The following EGR2 variants were observed in gnomAD, a reference collection of about 807,000 sequenced individuals.
EGR2 encodes E3 SUMO-protein ligase EGR2.
In EGR2, 2 loss-of-function variants were observed where a neutral mutation model predicts 21.2. The observed-to-expected ratio is 0.09, with a 90% CI of 0.04 to 0.30. The LOEUF is 0.30. EGR2 is among the 10% of genes least tolerant of loss of function. The pLI, the probability that EGR2 is intolerant of heterozygous loss-of-function variation, is 1.00. For missense variants in EGR2, 458 were observed against 630.2 expected, an observed-to-expected ratio of 0.73 and a Z score of 2.93; for synonymous variants, 282 against 258.2, an observed-to-expected ratio of 1.09 and a Z score of -0.88.
upstream of EGR2, chr10:62,818,695 C>G: frequency 9.5e-7 from 1 of 1,051,370 alleles, no homozygotes; most frequent in Non-Finnish European, 1.2e-6. Flanking sequence ...AATGCGGATC[C>G]CTGCGATGGG....
chr10:62,816,821 C>G (rs1262553672), upstream of EGR2, among the ~76,000 whole-genome samples: 1 of 151,976 alleles, frequency 6.6e-6, no homozygotes, highest in Non-Finnish European at 1.5e-5. Flanking sequence ...AGAAACCGAG[C>G]GGAGCCGAGA....
chr10:62,816,342 T>C lies in EGR2; in HGVS notation c.-313A>G. On this transcript the variant is annotated 5_prime_UTR_variant, in exon 1 of 2. Coordinates refer to ENST00000242480, the MANE Select transcript of EGR2 (RefSeq NM_000399.5). ...GTCAGTGAGTCCCCTCGCCGAGCTA[T>C]TAATCAATTGCTCCTCGCTCAGTTA... The C allele has an allele frequency of 8.0e-7, 1 of 1,255,184 alleles. No individual in the cohort carries two copies. Among genetic ancestry groups the C allele is most frequent in the East Asian group, 4.3e-5 (1 of 22,994 alleles). The allele number at this position is 1,255,184 out of a possible 1,614,324, so 77.8% of individuals were successfully genotyped here.
In EGR2 at chr10:62,814,071, C is replaced by T. The variant is rs1461306330; in HGVS notation, c.567G>A (p.Leu189=). ...AAGAGGTGGAGGTGGTGGCTGCTGA[C>T]AGGAACGCAGAAGGGTCCTGGTAGA... ...GDLYQDPSAF[L]SAATTSTSSS... The change falls in exon 2 of 2, where the codon CTG becomes CTA. Residue 189 remains leucine, a synonymous_variant. Coordinates refer to ENST00000242480, the MANE Select transcript of EGR2 (RefSeq NM_000399.5). This position sits in a 1 kb window ranked among gnomAD's most constrained non-coding sequence, Gnocchi z 4.8. 2 of 1,613,918 alleles carry T rather than the reference C, an allele frequency of 1.2e-6. No individual in the cohort carries two copies. Among genetic ancestry groups the T allele is most frequent in the Non-Finnish European group, 1.7e-6 (2 of 1,179,984 alleles).
chr10:62,816,327 C>A lies in EGR2; in HGVS notation c.-298G>T. 2.4e-6 allele frequency: 3 copies of A among 1,274,974 alleles called. No individual in the cohort carries two copies. The highest frequency in any genetic ancestry group is 3.0e-6 in the Non-Finnish European group (3 of 999,080). The allele number at this position is 1,274,974 out of a possible 1,614,324, so 79.0% of individuals were successfully genotyped here. A position where few individuals can be genotyped will look rare whatever the true frequency, so the allele number is the denominator to read the frequency against. On this transcript the variant is annotated 5_prime_UTR_variant, in exon 1 of 2. Transcript: ENST00000242480. ...AGTGTTATTATAACAGTCAGTGAGT[C>A]CCCTCGCCGAGCTATTAATCAATTG...
upstream of EGR2, chr10:62,818,548 G>A (rs555990413): frequency 2.9e-5 from 36 of 1,258,934 alleles, no homozygotes; most frequent in African/African-American, 5.0e-4. Context: ...TACCACGTGC[G>A]CCAGCCCACT....
Position 62,813,841 on chromosome 10 carries a change from G to C in EGR2, c.797C>G (p.Ser266Cys). The C allele has an allele frequency of 6.2e-7, 1 of 1,614,168 alleles. No homozygotes were observed. Among genetic ancestry groups the C allele is most frequent in the Non-Finnish European group, 8.5e-7 (1 of 1,180,034 alleles). ...CCCCAGGGTAAAGTTACGGATTGTA[G>C]AGAGTGGAGTGAGTGGAGGGGGCAC... The part of the protein sequence containing the change: ...LRVPPPLTPL[S>C]TIRNFTLGGP... Residue 266 changes from serine (S) to cysteine (C), a missense_variant, in exon 2 of 2, where the codon TCT becomes TGT. Physicochemically the swap from Ser to Cys is moderately radical, Grantham distance 112. This residue lies in a region of EGR2 where 253 missense variants were observed against 315.5 expected (regional missense o/e 0.80). Coordinates refer to ENST00000242480, the MANE Select transcript of EGR2 (RefSeq NM_000399.5). This position sits in a 1 kb window ranked among gnomAD's most constrained non-coding sequence, Gnocchi z 5.7.
chr10:62,816,225 A>G lies in EGR2; in HGVS notation c.-196T>C. 6.8e-7 allele frequency: 1 copy of G among 1,464,770 alleles called. No homozygotes were observed. The allele number at this position is 1,464,770 out of a possible 1,614,324, so 90.7% of individuals were successfully genotyped here. A position where few individuals can be genotyped will look rare whatever the true frequency, so the allele number is the denominator to read the frequency against. On this transcript the variant is annotated 5_prime_UTR_variant, in exon 1 of 2. Coordinates refer to ENST00000242480, the MANE Select transcript of EGR2 (RefSeq NM_000399.5). Reference sequence around the variant, plus strand: ...CAAACAAGTTGCTGTTTTTTAAGAAATAAGAAAAATGTCTATTTGCCACTG... The same window carrying G: ...CAAACAAGTTGCTGTTTTTTAAGAAGTAAGAAAAATGTCTATTTGCCACTG...
chr10:62,816,349 A>G lies in EGR2; in HGVS notation c.-320T>C. 8.0e-7 allele frequency: 1 copy of G among 1,243,612 alleles called. No homozygotes were observed. The highest frequency in any genetic ancestry group is 1.0e-6 in the Non-Finnish European group (1 of 979,344). 77.0% of individuals were successfully genotyped at this position (1,243,612 alleles called of 1,614,324 possible). On this transcript the variant is annotated 5_prime_UTR_variant, in exon 1 of 2. Coordinates refer to ENST00000242480, the MANE Select transcript of EGR2 (RefSeq NM_000399.5). ...AGTCCCCTCGCCGAGCTATTAATCAATTGCTCCTCGCTCAGTTAGACGGAA... is the reference window on the plus strand; with the variant it reads ...AGTCCCCTCGCCGAGCTATTAATCAGTTGCTCCTCGCTCAGTTAGACGGAA...
In EGR2 at chr10:62,813,268, T is replaced by C. The variant is rs777234760; in HGVS notation, c.1370A>G (p.Asn457Ser). 2.6e-6 allele frequency: 4 copies of C among 1,567,708 alleles called. No homozygotes were observed. The South Asian group carries it at 3.6e-5, about 14-fold the overall frequency. Residue 457 changes from asparagine to serine, a missense_variant, in exon 2 of 2, where the codon AAC becomes AGC. Coordinates refer to ENST00000242480, the MANE Select transcript of EGR2 (RefSeq NM_000399.5). This position sits in a 1 kb window ranked among gnomAD's most constrained non-coding sequence, Gnocchi z 5.7. ...CGGCCCTCCGCCAAGACTGCTGCTG[T>C]TACTGCTGCACAGGGTACCCCCAGG... ...VQPGGTLCSS[N>S]SSSLGGGPLA...
chr10:62,817,253 C>G (rs1838273577), upstream of EGR2, among the ~76,000 whole-genome samples: 1 of 152,114 alleles, frequency 6.6e-6, no homozygotes, highest in African/African-American at 2.4e-5. This position sits in a 1 kb window ranked among gnomAD's most constrained non-coding sequence, Gnocchi z 4.4. Flanking sequence ...TGCGTGGGGG[C>G]GTCCAGATGG....
chr10:62,814,169 T>A lies in EGR2; in HGVS notation c.469A>T (p.Thr157Ser), dbSNP rs753956133. 2.5e-6 allele frequency: 4 copies of A among 1,613,982 alleles called. No individual in the cohort carries two copies. Among genetic ancestry groups the A allele is most frequent in the African/African-American group, 1.3e-5 (1 of 74,968 alleles). The change falls in exon 2 of 2, where the codon ACC becomes TCC. Residue 157 changes from threonine (T) to serine (S), a missense_variant. By Grantham distance (58) the Thr-to-Ser change is moderately conservative. Around this residue, in one of 5 missense-constraint regions of EGR2, gnomAD observed 253 missense variants for 315.5 expected, o/e 0.80. Coordinates refer to ENST00000242480, the MANE Select transcript of EGR2 (RefSeq NM_000399.5). This position sits in a 1 kb window ranked among gnomAD's most constrained non-coding sequence, Gnocchi z 4.8. ...TACAGGTGGTCCAGGTCAGGCTGGGTCTGGGACATGGTGCACACACCCAGG... is the reference window on the plus strand; with the variant it reads ...TACAGGTGGTCCAGGTCAGGCTGGGACTGGGACATGGTGCACACACCCAGG... ...GPLGVCTMSQ[T>S]QPDLDHLYSP...
intron 1 of EGR2, among the ~76,000 whole-genome samples, chr10:62,815,437 C>T (rs553402554): frequency 3.3e-4 from 50 of 152,368 alleles, no homozygotes; most frequent in Admixed American, 6.5e-4. Context: ...CGACGCTTTC[C>T]CCTGGCGCTT....
rs147604283 is a variant in EGR2, at chr10:62,814,196, G to A, written c.442C>T (p.Pro148Ser). Residue 148 changes from proline (P) to serine (S), a missense_variant, in exon 2 of 2, where the codon CCC becomes TCC. By Grantham distance (74) the Pro-to-Ser change is moderately conservative. Coordinates refer to ENST00000242480, the MANE Select transcript of EGR2 (RefSeq NM_000399.5). This position sits in a 1 kb window ranked among gnomAD's most constrained non-coding sequence, Gnocchi z 4.8. ...SASPNPLATG[P>S]LGVCTMSQTQ... is the part of the protein sequence containing the mutation. The stretch of plus-strand genomic sequence containing the variant: ...TGGGACATGGTGCACACACCCAGGG[G>A]TCCTGTGGCCAGTGGGTTGGGGGAG... The A allele has an allele frequency of 2.5e-5, 41 of 1,614,190 alleles. No individual in the cohort carries two copies. The African/African-American group carries it at 5.1e-4, about 20-fold the overall frequency.
intron 1 of EGR2, 45 bp downstream of exon 1, chr10:62,815,816 C>G: frequency 6.2e-7 from 1 of 1,611,464 alleles, no homozygotes. Context: ...CCATCCACCA[C>G]CTCCGGGCCG....
At chr10:62,818,190 T>C (rs1480422430), upstream of EGR2, among the ~76,000 whole-genome samples, 1 of 151,886 alleles carries the variant, frequency 6.6e-6, no homozygotes, top group Non-Finnish European at 1.5e-5. Flanking sequence ...GCTGCAGCCG[T>C]GCGCCAGCTC....
rs1842262964 is a variant in EGR2, at chr10:62,816,139, C to T, written c.-110G>A. 1 of 1,602,910 alleles carries T rather than the reference C, an allele frequency of 6.2e-7. No individual in the cohort carries two copies. The highest frequency in any genetic ancestry group is 8.5e-7 in the Non-Finnish European group (1 of 1,174,524). On this transcript the variant is annotated 5_prime_UTR_variant, in exon 1 of 2. Transcript: ENST00000242480. ...CTGGGATGGTATCTCCTTTTGCCCT[C>T]CACACTTAAAAACAACCACCACACA...
rs535186925 is a variant in EGR2 at position 62,815,939 on chromosome 10, G to C, written c.91C>G (p.Leu31Val). ...AAGATGGTCACCGACGTGGCGGCGA[G>C]GTCCTCCACCGGGTAGATGTTGTCA... ...LSDNIYPVED[L>V]AATSVTIFPN... The change falls in exon 1 of 2, where the codon CTC becomes GTC. Residue 31 changes from leucine (L) to valine (V), a missense_variant. By Grantham distance (32) the Leu-to-Val change is conservative. Transcript: ENST00000242480. 6 of 1,614,054 alleles carry C rather than the reference G, an allele frequency of 3.7e-6. No individual in the cohort carries two copies. In the East Asian group the frequency reaches 1.3e-4, roughly 36 times the overall value.
chr10:62,814,288 C>G lies in EGR2; in HGVS notation c.350G>C (p.Ser117Thr). 6.2e-7 allele frequency: 1 copy of G among 1,614,154 alleles called. No individual in the cohort carries two copies. The highest frequency in any genetic ancestry group is 8.5e-7 in the Non-Finnish European group (1 of 1,180,030). The change falls in exon 2 of 2, where the codon AGT becomes ACT. Residue 117 changes from serine (S) to threonine (T), a missense_variant. By Grantham distance (58) the Ser-to-Thr change is moderately conservative (BLOSUM62 1). Coordinates refer to ENST00000242480, the MANE Select transcript of EGR2 (RefSeq NM_000399.5). This position sits in a 1 kb window ranked among gnomAD's most constrained non-coding sequence, Gnocchi z 4.8. Reference sequence around the variant, plus strand: ...AGTGACCCCTTGCAAGATGCCTGCACTCACAATATTGATTATGCCTTCTGG... The same window carrying G: ...AGTGACCCCTTGCAAGATGCCTGCAGTCACAATATTGATTATGCCTTCTGG... The part of the protein sequence containing the change: ...CYPEGIINIV[S>T]AGILQGVTSP...
intron 1 of EGR2, among the ~76,000 whole-genome samples, chr10:62,815,557 G>A (rs903381036): frequency 2.6e-5 from 4 of 152,204 alleles, no homozygotes; most frequent in African/African-American, 9.6e-5. Context: ...CCGGCCAGAG[G>A]GCCTACGCAA....
Sources: gnomAD v4.1 joint callset for allele counts (sites outside exome capture counted in the v4.1 genomes callset) on GRCh38, gnomAD v4.1.1 for gene constraint, gnomAD v4.1.1 regional missense constraint, Gnocchi (gnomAD v3.1) non-coding constraint, MANE v1.5 for transcripts, NCBI Gene and HGNC (gene_info 2026-07-23, HGNC 2026-07-21) for gene names.